DNAH1: variants seen among roughly 807,000 people sequenced by gnomAD.
DNAH1 encodes dynein axonemal heavy chain 1.
In DNAH1, 327 loss-of-function variants were observed where a neutral mutation model predicts 484.3. The observed-to-expected ratio is 0.68, with a 90% CI of 0.62 to 0.74. DNAH1 has a LOEUF of 0.74. Ranked by LOEUF, DNAH1 falls within the 30% of genes least tolerant of loss-of-function variation. The pLI is 0.00. For missense variants in DNAH1, 5,052 were observed against 5,546.8 expected (o/e 0.91, Z 2.83); for synonymous variants, 2,192 against 2,191.9 (o/e 1.00, Z 0.00).
intron 4 of DNAH1, 45 bp downstream of exon 4, chr3:52,326,359 C>A (rs762614713): frequency 1.1e-5 from 18 of 1,569,734 alleles, no homozygotes; most frequent in Non-Finnish European, 1.3e-5. Context: ...GAGGTGGCAT[C>A]CACCCGCCTC....
At position 52,344,671 on chromosome 3, in the gene DNAH1, G is replaced by T. The variant is rs538143348; in HGVS notation, c.1444+24G>T. 9.4e-6 allele frequency: 15 copies of T among 1,604,148 alleles called. No individual in the cohort carries two copies. In the South Asian group the frequency reaches 1.4e-4, roughly 15 times the overall value. ...AGGTGAGGGTCACTGGACCAAGATG[G>T]GCTCCATGGCCATCCACCTGGCCAG... On this transcript the variant is annotated intron_variant, in intron 9 of 77. Coordinates refer to ENST00000420323, the MANE Select transcript of DNAH1 (RefSeq NM_015512.5).
intron 25 of DNAH1, 145 bp from the exon 26 acceptor site, chr3:52,359,101 G>A (rs1271964427): frequency 2.4e-6 from 3 of 1,236,960 alleles, no homozygotes; most frequent in Non-Finnish European, 3.3e-6. Context: ...GAGCATAAGG[G>A]CTTCCCTGCT....
Position 52,373,937 on chromosome 3 carries a change from G to A in DNAH1, c.6985+884G>A, listed in dbSNP as rs563807957. 1,274 of 1,315,582 alleles carry A rather than the reference G, an allele frequency of 9.7e-4. 2 individuals carry two copies. The highest frequency in any genetic ancestry group is 3.2e-3 in the South Asian group (260 of 81,928). The allele number at this position is 1,315,582 out of a possible 1,614,324, so 81.5% of individuals were successfully genotyped here. ...TTGACTCAGAGGAAGATGAACCAACGTTAGAAGCAGGCTGGCTTCATCTAC... is the reference window on the plus strand; with the variant it reads ...TTGACTCAGAGGAAGATGAACCAACATTAGAAGCAGGCTGGCTTCATCTAC... On this transcript the variant is annotated intron_variant, in intron 44 of 77. Transcript: ENST00000420323.
intron 46 of DNAH1, among the ~76,000 whole-genome samples, chr3:52,377,013 C>G (rs1425257544): frequency 6.6e-6 from 1 of 152,122 alleles, no homozygotes; most frequent in African/African-American, 2.4e-5. Context: ...CTCCAGCCTC[C>G]TCTCCCTCCA....
intron 53 of DNAH1, 57 bp from the exon 54 acceptor site, chr3:52,385,280 C>CCAGCAGGCCCAG: frequency 7.3e-6 from 11 of 1,502,166 alleles, no homozygotes; most frequent in Non-Finnish European, 1.0e-5. Context: ...CCCAGCAGGC[C>CCAGCAGGCCCAG]CTGTGCTCTC....
chr3:52,370,050 GGCAGGGCA>G (rs1703261186), intron 38 of DNAH1, 31 bp downstream of exon 38: 8 of 1,613,462 alleles, frequency 5.0e-6, no homozygotes, highest in Non-Finnish European at 6.8e-6. Flanking sequence ...GTCTGACCCT[GGCAGGGCA>G]GCAGGGCACT....
intron 2 of DNAH1, 72 bp from the exon 3 acceptor site, chr3:52,323,736 C>T (rs557398656): frequency 9.3e-5 from 122 of 1,309,538 alleles, no homozygotes; most frequent in Non-Finnish European, 1.2e-4. Flanking sequence ...CGCCTGGGCT[C>T]GGGGTCCCTC....
chr3:52,323,928 A>C, intron 3 of DNAH1, 48 bp downstream of exon 3: 1 of 1,466,248 alleles, frequency 6.8e-7, no homozygotes, highest in Non-Finnish European at 9.3e-7. Context: ...AGGTATTTCA[A>C]AGCAGGCTTT....
intron 75 of DNAH1, 79 bp from the exon 76 acceptor site, chr3:52,398,771 T>C: frequency 1.6e-6 from 2 of 1,258,238 alleles, no homozygotes; most frequent in Non-Finnish European, 2.1e-6. Context: ...TTTTTCACTC[T>C]GTGGCCTTGA....
chr3:52,322,345 C>T (rs1701177565), intron 1 of DNAH1, 64 bp from the exon 2 acceptor site: 3 of 1,139,688 alleles, frequency 2.6e-6, no homozygotes, highest in South Asian at 1.5e-5. Flanking sequence ...ATCTAGGCAT[C>T]CATGTGTCTC....
At position 52,400,330 on chromosome 3, in the gene DNAH1, C is replaced by G. The variant is rs953112203; in HGVS notation, c.12682C>G (p.Leu4228Val). ...CCCCTCCTTGCCCATTCCAGGAACACTATCAACCACAGGACACTCTACCAA... is the reference window on the plus strand; with the variant it reads ...CCCCTCCTTGCCCATTCCAGGAACAGTATCAACCACAGGACACTCTACCAA... ...IYKTLTRAGT[L>V]STTGHSTNYV... is the part of the protein sequence containing the mutation. The change falls in exon 78 of 78, where the codon CTA (leucine) becomes GTA (valine). Residue 4228 changes from leucine to valine, a missense_variant. Leu to Val is a conservative substitution (Grantham distance 32, BLOSUM62 1). Transcript: ENST00000420323. The G allele has an allele frequency of 1.1e-5, 17 of 1,614,010 alleles. No homozygotes were observed. The highest frequency in any genetic ancestry group is 1.4e-5 in the Non-Finnish European group (17 of 1,179,868).
chr3:52,375,353 G>T lies in DNAH1; in HGVS notation c.7099G>T (p.Ala2367Ser), dbSNP rs199920193. 1.2e-6 allele frequency: 2 copies of T among 1,613,648 alleles called. No homozygotes were observed. The highest frequency in any genetic ancestry group is 3.3e-5 in the Admixed American group (2 of 59,974). The part of the protein sequence containing the change: ...LMRHFNYLSF[A>S]EMDEVSKKRI... ...GCGTCACTTCAACTACCTGTCTTTC[G>T]CTGAGATGGACGAGGTCAGCAAGAA... Residue 2367 changes from alanine (A) to serine (S), a missense_variant, in exon 45 of 78, where the codon GCT (alanine) becomes TCT (serine). Physicochemically the swap from Ala to Ser is moderately conservative, Grantham distance 99. Coordinates refer to ENST00000420323, the MANE Select transcript of DNAH1 (RefSeq NM_015512.5).
At chr3:52,386,525 C>A in intron 55 of DNAH1, 137 bp from the exon 56 acceptor site, 1 of 1,285,930 alleles carries the variant, frequency 7.8e-7, no homozygotes, top group Non-Finnish European at 1.1e-6. Context: ...CTGAGGCCAA[C>A]CTCGGTGGAT....
In DNAH1 at chr3:52,399,681, C is replaced by T. The variant is rs780339805; in HGVS notation, c.12578C>T (p.Thr4193Ile). 130 of 1,613,938 alleles carry T rather than the reference C, an allele frequency of 8.1e-5. No individual in the cohort carries two copies. The highest frequency in any genetic ancestry group is 1.1e-4 in the Non-Finnish European group (127 of 1,179,916). Residue 4193 changes from threonine (T) to isoleucine (I), a missense_variant, in exon 77 of 78, where the codon ACA becomes ATA. Transcript: ENST00000420323. ...LAESQPKELY[T>I]EMAVIWLLPT... ...GAGTCTCAGCCCAAGGAGCTGTACACAGAGATGGCCGTTATCTGGCTCTTG... is the reference window on the plus strand; with the variant it reads ...GAGTCTCAGCCCAAGGAGCTGTACATAGAGATGGCCGTTATCTGGCTCTTG...
chr3:52,351,879 TG>T, intron 16 of DNAH1, 82 bp from the exon 17 acceptor site: 1 of 1,507,666 alleles, frequency 6.6e-7, no homozygotes, highest in Non-Finnish European at 9.0e-7. Flanking sequence ...CCTGGGTGCC[TG>T]GTGGGATGCC....
At chr3:52,346,200 C>T (rs548381452) in intron 10 of DNAH1, among the ~76,000 whole-genome samples, 7 of 152,348 alleles carry the variant, frequency 4.6e-5, no homozygotes, top group East Asian at 1.9e-4. Context: ...CTCTGTCTCT[C>T]GCTCACGGCT....
At chr3:52,359,132 A>G in intron 25 of DNAH1, 114 bp from the exon 26 acceptor site, 2 of 1,456,828 alleles carry the variant, frequency 1.4e-6, no homozygotes, top group Non-Finnish European at 1.8e-6. Context: ...TGGTGGCATC[A>G]ACAACTGGAG....
At position 52,381,826 on chromosome 3, in the gene DNAH1, G is replaced by T. The variant is rs377213436; in HGVS notation, c.7795G>T (p.Ala2599Ser). Residue 2599 changes from alanine to serine, a missense_variant, in exon 49 of 78, where the codon GCC (alanine) becomes TCC (serine). Ala to Ser is a moderately conservative substitution (Grantham distance 99). This residue lies in a region of DNAH1 where 2,929 missense variants were observed against 3,409.4 expected (regional missense o/e 0.86). Transcript: ENST00000420323. The surrounding 1 kb of genome is among the most constrained non-coding windows in gnomAD (Gnocchi z 4.1). ...CGGCCGCAGCTCCCTCACAAGGCTC[G>T]CCTCGCACATGTGAGCGCCTCCAGG... ...GSGRSSLTRL[A>S]SHMAEYECFQ... 1.2e-4 allele frequency: 199 copies of T among 1,594,944 alleles called. No individual in the cohort carries two copies. The highest frequency in any genetic ancestry group is 1.6e-4 in the Non-Finnish European group (186 of 1,171,378).
chr3:52,339,025 C>T (rs931064735), intron 8 of DNAH1, among the ~76,000 whole-genome samples: 5 of 151,542 alleles, frequency 3.3e-5, no homozygotes, highest in Non-Finnish European at 5.9e-5. Flanking sequence ...CAGAGCCAGA[C>T]TCCGTCTAAA....
Sources: gnomAD v4.1 joint callset for allele counts (sites outside exome capture counted in the v4.1 genomes callset) on GRCh38, gnomAD v4.1.1 for gene constraint, gnomAD v4.1.1 regional missense constraint, Gnocchi (gnomAD v3.1) non-coding constraint, MANE v1.5 for transcripts, NCBI Gene and HGNC (gene_info 2026-07-23, HGNC 2026-07-21) for gene names.